The following MRTFB variants were observed in gnomAD, a reference collection of about 807,000 sequenced individuals.
MRTFB encodes the protein myocardin related transcription factor B.
A neutral mutation model predicts 104.2 loss-of-function variants in MRTFB; 29 were observed. The observed-to-expected ratio is 0.28, with a 90% confidence interval of 0.21 to 0.38. The LOEUF is 0.38. Ranked by LOEUF, MRTFB falls within the 10% of genes least tolerant of loss-of-function variation. The pLI is 1.00. For missense variants in MRTFB, 1,270 were observed against 1,341.6 expected (o/e 0.95, Z 0.83); for synonymous variants, 535 against 519.5 (o/e 1.03, Z -0.41).
chr16:14,031,607 T>C, the MRTFB span, among the ~76,000 whole-genome samples: 5 of 152,050 alleles, frequency 3.3e-5, no homozygotes, highest in Admixed American at 1.3e-4. Flanking sequence ...ATAAGAAATA[T>C]ATATATTTTG....
At chr16:14,013,868 C>T in the MRTFB span, among the ~76,000 whole-genome samples, 1 of 152,214 alleles carries the variant, frequency 6.6e-6, no homozygotes. Flanking sequence ...GCAGGTCTCA[C>T]TCACTGGAGG....
intron 3 of MRTFB, chr16:14,149,213 T>A (rs1433761728): frequency 6.6e-6 from 1 of 152,210 alleles, no homozygotes; most frequent in Non-Finnish European, 1.5e-5. Flanking sequence ...AAAGCCAAAA[T>A]TCATATTTTT....
intron 3 of MRTFB, among the ~76,000 whole-genome samples, chr16:14,187,689 A>G (rs1225795701): frequency 6.6e-6 from 1 of 152,222 alleles, no homozygotes; most frequent in Non-Finnish European, 1.5e-5. Flanking sequence ...ATAGCCAAAC[A>G]TGTGGACATT....
At chr16:14,108,406 A>G (rs1232892319) in intron 2 of MRTFB, among the ~76,000 whole-genome samples, 5 of 152,218 alleles carry the variant, frequency 3.3e-5, no homozygotes, top group Non-Finnish European at 5.9e-5. Context: ...AGTTCATTTA[A>G]CAACCCTTGA....
intron 7 of MRTFB, 33 bp downstream of exon 7, chr16:14,217,320 GAA>G (rs931988379): frequency 3.9e-6 from 6 of 1,551,050 alleles, no homozygotes; most frequent in Non-Finnish European, 3.5e-6. Context: ...TTTGGGGTGA[GAA>G]AGAGAAACTT....
intron 1 of MRTFB, among the ~76,000 whole-genome samples, chr16:14,078,910 G>A (rs1451019998): frequency 1.3e-5 from 2 of 152,032 alleles, no homozygotes; most frequent in East Asian, 1.9e-4. Flanking sequence ...TAAGAATTGG[G>A]TACTGTTGTT....
chr16:14,134,704 C>A (rs938410651), intron 2 of MRTFB, among the ~76,000 whole-genome samples: 17 of 152,156 alleles, frequency 1.1e-4, no homozygotes, highest in African/African-American at 4.1e-4. Flanking sequence ...CCCTCTTTCC[C>A]GTCTCCCATC....
At chr16:14,198,732 G>T (rs2040549406) in intron 3 of MRTFB, among the ~76,000 whole-genome samples, 4 of 152,168 alleles carry the variant, frequency 2.6e-5, no homozygotes, top group Admixed American at 2.6e-4. Flanking sequence ...GCCATTATCT[G>T]GGAACTCCCT....
chr16:14,015,935 T>C, the MRTFB span: 1 of 398,702 alleles, frequency 2.5e-6, no homozygotes. Flanking sequence ...AGCTTATGCA[T>C]CCAGAGACTA....
At chr16:14,172,550 G>A (rs2039457066) in intron 3 of MRTFB, among the ~76,000 whole-genome samples, 1 of 152,092 alleles carries the variant, frequency 6.6e-6, no homozygotes, top group Non-Finnish European at 1.5e-5. Context: ...AATTCCTAGA[G>A]AGAGGGTTGC....
the MRTFB span, among the ~76,000 whole-genome samples, chr16:14,040,047 C>T: frequency 5.9e-5 from 9 of 152,082 alleles, no homozygotes; most frequent in Middle Eastern, 3.4e-3. Flanking sequence ...CGCGCCCAGC[C>T]GATAATATGT....
intron 2 of MRTFB, among the ~76,000 whole-genome samples, chr16:14,093,911 AAAG>A (rs2035220501): frequency 6.6e-6 from 1 of 152,228 alleles, no homozygotes; most frequent in African/African-American, 2.4e-5. Flanking sequence ...CTCCTGGAAA[AAAG>A]AATTAAAAAT....
intron 2 of MRTFB, among the ~76,000 whole-genome samples, chr16:14,090,009 A>G (rs574284579): frequency 1.8e-4 from 27 of 152,144 alleles, no homozygotes; most frequent in Non-Finnish European, 3.5e-4. Flanking sequence ...AGTTCTTTAT[A>G]TATTTTGTAT....
chr16:14,082,517 C>T (rs1445268803), intron 2 of MRTFB, among the ~76,000 whole-genome samples: 2 of 152,010 alleles, frequency 1.3e-5, no homozygotes, highest in Non-Finnish European at 2.9e-5. Flanking sequence ...GTCTGGGTGC[C>T]GTGGCTCAAA....
chr16:14,253,937 A>C (rs144746655), intron 15 of MRTFB, among the ~76,000 whole-genome samples: 125 of 152,332 alleles, frequency 8.2e-4, no homozygotes, highest in Non-Finnish European at 1.1e-3. Context: ...AGTGACATCT[A>C]TTCTCTTCAC....
At chr16:14,062,553 C>T in the MRTFB span, among the ~76,000 whole-genome samples, 1 of 152,136 alleles carries the variant, frequency 6.6e-6, no homozygotes, top group Non-Finnish European at 1.5e-5. Context: ...AGAAAGTTTG[C>T]CTCCCCACTA....
the MRTFB span, among the ~76,000 whole-genome samples, chr16:14,055,218 G>T: frequency 6.6e-6 from 1 of 152,164 alleles, no homozygotes; most frequent in Admixed American, 6.5e-5. Context: ...GGGCATGGTG[G>T]CACATGCCTG....
chr16:14,159,358 T>A (rs993889301), intron 3 of MRTFB, among the ~76,000 whole-genome samples: 3 of 152,206 alleles, frequency 2.0e-5, no homozygotes, highest in Non-Finnish European at 4.4e-5. Flanking sequence ...GAAGAAATTT[T>A]AAAAATTTCT....
At chr16:14,036,045 A>C in the MRTFB span, among the ~76,000 whole-genome samples, 3 of 146,448 alleles carry the variant, frequency 2.0e-5, no homozygotes, top group Middle Eastern at 3.2e-3. Flanking sequence ...GGTTGCTGCA[A>C]ATGCCATTAA....
Sources: allele counts gnomAD v4.1 joint callset (sites outside exome capture counted in the v4.1 genomes callset), GRCh38; gene constraint gnomAD v4.1.1; transcripts MANE v1.5; gene names NCBI Gene and HGNC (gene_info 2026-07-23, HGNC 2026-07-21).